Variants in KLHL42 observed in about 807,000 individuals in gnomAD.
KLHL42 encodes kelch-like protein 42.
Under a neutral mutation model 32.7 loss-of-function variants are expected in KLHL42, and 27 were observed. That is an observed-to-expected ratio of 0.83 (90% CI 0.61 to 1.14). KLHL42 has a LOEUF of 1.14. KLHL42 is among the 50% of genes most tolerant of loss of function. The pLI, the probability that KLHL42 is intolerant of heterozygous loss-of-function variation, is 0.00. For synonymous variants in KLHL42, 267 were observed against 248.2 expected (o/e 1.08, Z -0.71); for missense variants, 491 against 560.8 (o/e 0.88, Z 1.26).
At position 27,801,929 on chromosome 12, in the gene KLHL42, T is replaced by C. The variant is rs2062249222; in HGVS notation, c.*3763T>C. Reference sequence around the variant, plus strand: ...TGACCTTGAAGAGCTTACGGCCTTATAAAGAGGTTCACTGTAATTGTCTTC... The same window carrying C: ...TGACCTTGAAGAGCTTACGGCCTTACAAAGAGGTTCACTGTAATTGTCTTC... On this transcript the variant is annotated 3_prime_UTR_variant, in exon 3 of 3. Transcript: ENST00000381271. The C allele has an allele frequency of 1.3e-5, 2 of 151,944 alleles. No homozygotes were observed. The highest frequency in any genetic ancestry group is 1.3e-4 in the Admixed American group (2 of 15,218). 9.4% of individuals were successfully genotyped at this position (151,944 alleles called of 1,614,324 possible).
chr12:27,781,097 T>C lies in KLHL42; in HGVS notation c.767T>C (p.Phe256Ser). Residue 256 changes from phenylalanine to serine, a missense_variant, in exon 1 of 3, where the codon TTC becomes TCC. Physicochemically the swap from Phe to Ser is radical, Grantham distance 155 (BLOSUM62 -2). Around this residue, in one of 4 missense-constraint regions of KLHL42, gnomAD observed 248 missense variants for 329.2 expected, o/e 0.75. Transcript: ENST00000381271. ...TCTGCCATCCTGGACAACTACCTCT[T>C]CATAGTGGGCGGGTACAGGATCACT... is the stretch of plus-strand genomic sequence containing the variant. ...YGSAILDNYLFIVGGYRITSQ... is the reference protein window; with the variant it reads ...YGSAILDNYLSIVGGYRITSQ... The C allele has an allele frequency of 6.2e-7, 1 of 1,614,136 alleles. No individual in the cohort carries two copies. Among genetic ancestry groups the C allele is most frequent in the Non-Finnish European group, 8.5e-7 (1 of 1,180,010 alleles).
intron 2 of KLHL42, chr12:27,797,291 G>T (rs1050911107): frequency 4.4e-6 from 2 of 457,770 alleles, no homozygotes; most frequent in Non-Finnish European, 8.8e-6. Flanking sequence ...TGTTTCTTAG[G>T]ATCAGCTATC....
intron 1 of KLHL42, among the ~76,000 whole-genome samples, chr12:27,781,946 A>G (rs922460364): frequency 4.6e-5 from 7 of 152,244 alleles, no homozygotes; most frequent in South Asian, 2.1e-4. Context: ...GGAGAAGGGA[A>G]AGGAACCAGG....
intron 2 of KLHL42, among the ~76,000 whole-genome samples, chr12:27,795,329 G>A (rs2062214006): frequency 6.6e-6 from 1 of 152,112 alleles, no homozygotes; most frequent in Non-Finnish European, 1.5e-5. Flanking sequence ...CTTTAGATTT[G>A]ACCTAGAAAA....
intron 1 of KLHL42, among the ~76,000 whole-genome samples, chr12:27,781,580 T>TA (rs1357104849): frequency 6.6e-6 from 1 of 152,232 alleles, no homozygotes; most frequent in Non-Finnish European, 1.5e-5. Flanking sequence ...ATGATAATGA[T>TA]ACACTGGACA....
Position 27,802,930 on chromosome 12 carries a change from A to T in KLHL42, c.*4764A>T, listed in dbSNP as rs1591818801. 1 of 152,380 alleles carries T rather than the reference A, an allele frequency of 6.6e-6. No homozygotes were observed. Among genetic ancestry groups the T allele is most frequent in the East Asian group, 1.9e-4 (1 of 5,190 alleles). 9.4% of individuals were successfully genotyped at this position (152,380 alleles called of 1,614,324 possible). A position where few individuals can be genotyped will look rare whatever the true frequency, so the allele number is the denominator to read the frequency against. On this transcript the variant is annotated 3_prime_UTR_variant, in exon 3 of 3. Coordinates refer to ENST00000381271, the MANE Select transcript of KLHL42 (RefSeq NM_020782.2). The stretch of plus-strand genomic sequence containing the variant: ...AGTCTAGCTTAAAAGTGTAAACATT[A>T]TGTGATTCATTTGAATACAAGAATG...
At chr12:27,787,077 A>G (rs1206186980) in intron 1 of KLHL42, among the ~76,000 whole-genome samples, 1 of 152,144 alleles carries the variant, frequency 6.6e-6, no homozygotes, top group Non-Finnish European at 1.5e-5. Flanking sequence ...AGTGGGTGCT[A>G]TATGACCATC....
At chr12:27,792,008 A>G (rs1055742739) in intron 2 of KLHL42, 107 bp downstream of exon 2, 1 of 873,576 alleles carries the variant, frequency 1.1e-6, no homozygotes, top group African/African-American at 1.7e-5. Flanking sequence ...GTGTCATGTT[A>G]TGCTTTAATA....
At chr12:27,789,971 A>G (rs10842984) in intron 1 of KLHL42, among the ~76,000 whole-genome samples, 24,559 of 152,190 alleles carry the variant, frequency 0.16, 2,324 homozygotes, top group Non-Finnish European at 0.22. Flanking sequence ...GTAGGTGCCT[A>G]TTACTAACCT....
At position 27,800,236 on chromosome 12, in the gene KLHL42, T is replaced by G; in HGVS notation, c.*2070T>G. ...CCAGTTAATTCTCTTCCTGGTTACATTCATTGGGTCTATTTGCCTAATGTT... is the reference window on the plus strand; with the variant it reads ...CCAGTTAATTCTCTTCCTGGTTACAGTCATTGGGTCTATTTGCCTAATGTT... On this transcript the variant is annotated 3_prime_UTR_variant, in exon 3 of 3. Coordinates refer to ENST00000381271, the MANE Select transcript of KLHL42 (RefSeq NM_020782.2). 1.0e-6 allele frequency: 1 copy of G among 985,398 alleles called. No individual in the cohort carries two copies. The highest frequency in any genetic ancestry group is 1.2e-6 in the Non-Finnish European group (1 of 829,902). The allele number at this position is 985,398 out of a possible 1,614,324, so 61.0% of individuals were successfully genotyped here. A position where few individuals can be genotyped will look rare whatever the true frequency, so the allele number is the denominator to read the frequency against.
At position 27,798,344 on chromosome 12, in the gene KLHL42, A is replaced by G; in HGVS notation, c.*178A>G. ...AATTACTTGAAAACTGGTGGAAAAA[A>G]GAGACCAACTTTGTTATTTTTTAAA... On this transcript the variant is annotated 3_prime_UTR_variant, in exon 3 of 3. Transcript: ENST00000381271. The G allele has an allele frequency of 1.8e-6, 1 of 550,816 alleles. No homozygotes were observed. The allele number at this position is 550,816 out of a possible 1,614,324, so 34.1% of individuals were successfully genotyped here.
intron 1 of KLHL42, among the ~76,000 whole-genome samples, chr12:27,786,889 A>G (rs2062174509): frequency 1.3e-5 from 2 of 150,216 alleles, no homozygotes; most frequent in Non-Finnish European, 3.0e-5. Flanking sequence ...TGCCTGGCTA[A>G]TTTTTTTTTG....
intron 2 of KLHL42, among the ~76,000 whole-genome samples, chr12:27,795,575 A>G (rs2140822573): frequency 6.6e-6 from 1 of 152,324 alleles, no homozygotes; most frequent in East Asian, 1.9e-4. Context: ...GGGCTTTCCC[A>G]GCAGTTCCTA....
rs1055714678 is a variant in KLHL42 at position 27,800,436 on chromosome 12, T to A, written c.*2270T>A. On this transcript the variant is annotated 3_prime_UTR_variant, in exon 3 of 3. Coordinates refer to ENST00000381271, the MANE Select transcript of KLHL42 (RefSeq NM_020782.2). ...TAAAAAGATTTTGGTTATTCTGGGCTGCCAGCAGTACGTGGGAAAGGTGGA... is the reference window on the plus strand; with the variant it reads ...TAAAAAGATTTTGGTTATTCTGGGCAGCCAGCAGTACGTGGGAAAGGTGGA... 5.6e-5 allele frequency: 52 copies of A among 931,942 alleles called. No individual in the cohort carries two copies. The African/African-American group carries it at 8.7e-4, about 16-fold the overall frequency. 57.7% of individuals were successfully genotyped at this position (931,942 alleles called of 1,614,324 possible). A position where few individuals can be genotyped will look rare whatever the true frequency, so the allele number is the denominator to read the frequency against.
At position 27,782,689 on chromosome 12, in the gene KLHL42, C is replaced by A. The variant is rs571434357; in HGVS notation, c.872+1487C>A. ...CAGGCCATCCTTAGTGCCACAGTTC[C>A]TCACACTTCTTTCTTCCCTTCATAC... On this transcript the variant is annotated intron_variant, in intron 1 of 2. Transcript: ENST00000381271. 2.6e-5 allele frequency among the ~76,000 whole-genome samples: 4 copies of A among 152,096 alleles called. No individual in the cohort carries two copies. The East Asian group carries it at 7.7e-4, about 29-fold the overall frequency.
intron 1 of KLHL42, among the ~76,000 whole-genome samples, chr12:27,789,605 C>A (rs751285661): frequency 5.3e-5 from 8 of 152,192 alleles, no homozygotes; most frequent in Non-Finnish European, 7.3e-5. Flanking sequence ...AATTTACTAT[C>A]TGTGTACCTT....
rs369727057 is a variant in KLHL42 at position 27,780,683 on chromosome 12, T to C, written c.353T>C (p.Leu118Pro). 1.2e-6 allele frequency: 2 copies of C among 1,604,366 alleles called. No homozygotes were observed. Among genetic ancestry groups the C allele is most frequent in the Non-Finnish European group, 1.7e-6 (2 of 1,174,356 alleles). The part of the protein sequence containing the change: ...AASFLQVTSL[L>P]QLLLSQVRLN... ...TCCTTCCTGCAGGTCACGTCCCTGC[T>C]GCAGCTGCTGCTGTCCCAGGTGCGG... Residue 118 changes from leucine (L) to proline (P), a missense_variant, in exon 1 of 3, where the codon CTG becomes CCG. Around this residue, in one of 4 missense-constraint regions of KLHL42, gnomAD observed 248 missense variants for 329.2 expected, o/e 0.75. Coordinates refer to ENST00000381271, the MANE Select transcript of KLHL42 (RefSeq NM_020782.2). This position sits in a 1 kb window ranked among gnomAD's most constrained non-coding sequence, Gnocchi z 8.8.
intron 1 of KLHL42, among the ~76,000 whole-genome samples, chr12:27,786,260 A>G (rs2140815106): frequency 6.6e-6 from 1 of 152,356 alleles, no homozygotes; most frequent in South Asian, 2.1e-4. Context: ...TCTAAAAAAT[A>G]GAGCACAGAT....
At chr12:27,792,032 C>T (rs2140819751) in intron 2 of KLHL42, 131 bp downstream of exon 2, 1 of 688,262 alleles carries the variant, frequency 1.5e-6, no homozygotes, top group South Asian at 1.9e-5. Context: ...TACACTTACA[C>T]ATCTGGAAGG....
Sources: gnomAD v4.1 joint callset for allele counts (sites outside exome capture counted in the v4.1 genomes callset) on GRCh38, gnomAD v4.1.1 for gene constraint, gnomAD v4.1.1 regional missense constraint, Gnocchi (gnomAD v3.1) non-coding constraint, MANE v1.5 for transcripts, NCBI Gene and HGNC (gene_info 2026-07-23, HGNC 2026-07-21) for gene names.